Variants in SRRM1 observed in about 807,000 individuals in gnomAD.
SRRM1 encodes serine and arginine repetitive matrix 1.
A neutral mutation model predicts 110.2 loss-of-function variants in SRRM1; 19 were observed. That is an observed-to-expected ratio of 0.17 (90% CI 0.12 to 0.25). SRRM1 has a LOEUF of 0.25. Among genes scored for constraint, SRRM1 ranks in the 10% least tolerant of loss-of-function variants. The pLI is 1.00. For missense variants in SRRM1, 918 were observed against 1,145.8 expected (o/e 0.80, Z 2.87); for synonymous variants, 443 against 414.9 (o/e 1.07, Z -0.82).
intron 4 of SRRM1, 52 bp from the exon 5 acceptor site, chr1:24,649,919 G>C: frequency 6.8e-7 from 1 of 1,462,494 alleles, no homozygotes; most frequent in South Asian, 1.5e-5. Context: ...GTAGTCTTCA[G>C]TTTGTTCTCA....
At position 24,643,311 on chromosome 1, in the gene SRRM1, C is replaced by G. The variant is rs772587324; in HGVS notation, c.-16C>G. 1.9e-6 allele frequency: 3 copies of G among 1,565,414 alleles called. No individual in the cohort carries two copies. Among genetic ancestry groups the G allele is most frequent in the South Asian group, 2.3e-5 (2 of 86,232 alleles). ...GTACCCTGGGATAGGGAGCGATCTC[C>G]GAGCGAGGCGGCAAGATGGACGCGG... is the stretch of plus-strand genomic sequence containing the variant. On this transcript the variant is annotated 5_prime_UTR_variant, in exon 1 of 17. Transcript: ENST00000323848.
intron 7 of SRRM1, 123 bp downstream of exon 7, chr1:24,652,751 A>G (rs1356524380): frequency 1.5e-6 from 2 of 1,307,882 alleles, no homozygotes; most frequent in African/African-American, 3.0e-5. Context: ...TTGAATGTAC[A>G]CAGAGAATTT....
Position 24,671,383 on chromosome 1 carries a change from T to C in SRRM1, c.2401-3T>C, listed in dbSNP as rs766512285. The C allele has an allele frequency of 2.1e-5, 34 of 1,594,580 alleles. No individual in the cohort carries two copies. The highest frequency in any genetic ancestry group is 2.8e-5 in the Non-Finnish European group (33 of 1,174,424). On this transcript the variant is annotated splice_region_variant and splice_polypyrimidine_tract_variant and intron_variant, in intron 15 of 16. Coordinates refer to ENST00000323848, the MANE Select transcript of SRRM1 (RefSeq NM_005839.4). ...GCTGGGTGTTGTTTTTTTTTCTTCC[T>C]AGAATTCAGATCAGGAAGGAGGTGG...
intron 3 of SRRM1, 92 bp from the exon 4 acceptor site, chr1:24,648,767 A>G: frequency 8.4e-7 from 1 of 1,191,238 alleles, no homozygotes; most frequent in Non-Finnish European, 1.2e-6. Context: ...AGACTTAAAA[A>G]ATACTAATTT....
chr1:24,652,589 C>T lies in SRRM1; in HGVS notation c.881C>T (p.Ser294Phe). Residue 294 changes from serine (S) to phenylalanine (F), a missense_variant, in exon 7 of 17, where the codon TCT (serine) becomes TTT (phenylalanine). Coordinates refer to ENST00000323848, the MANE Select transcript of SRRM1 (RefSeq NM_005839.4). The stretch of plus-strand genomic sequence containing the variant: ...TCCCGGACGCGGTCCCGCTCTCCTT[C>T]TCACACTCGACCTAGACGGCGCCAT... Reference protein sequence around the residue: ...SRSRTRSRSPSHTRPRRRHRS... With the variant: ...SRSRTRSRSPFHTRPRRRHRS... The T allele has an allele frequency of 6.2e-7, 1 of 1,613,018 alleles. No individual in the cohort carries two copies.
chr1:24,655,748 G>A (rs1217608172), intron 9 of SRRM1, among the ~76,000 whole-genome samples: 5 of 152,128 alleles, frequency 3.3e-5, no homozygotes, highest in Admixed American at 1.3e-4. Context: ...GGTTTGTTCT[G>A]TGAGCATTAA....
chr1:24,646,886 G>A, intron 3 of SRRM1, 97 bp downstream of exon 3: 9 of 969,632 alleles, frequency 9.3e-6, no homozygotes, highest in Non-Finnish European at 1.3e-5. Flanking sequence ...ATATAGAAGG[G>A]TTATTTTACA....
At chr1:24,669,051 C>G (rs1471816207) in intron 13 of SRRM1, 72 bp from the exon 14 acceptor site, 12 of 1,320,808 alleles carry the variant, frequency 9.1e-6, no homozygotes, top group Non-Finnish European at 1.3e-5. Flanking sequence ...ATAGCCAAAC[C>G]TACTGATTAC....
In SRRM1 at chr1:24,661,371, A is replaced by G. The variant is rs1339352350; in HGVS notation, c.1458A>G (p.Arg486=). 1 of 1,613,404 alleles carries G rather than the reference A, an allele frequency of 6.2e-7. No individual in the cohort carries two copies. The highest frequency in any genetic ancestry group is 8.5e-7 in the Non-Finnish European group (1 of 1,179,582). Reference sequence around the variant, plus strand: ...CTGTGCAGCAGAGACGCCAATACAGACGACAAAACCAGCAGTCTTCATCTG... The same window carrying G: ...CTGTGCAGCAGAGACGCCAATACAGGCGACAAAACCAGCAGTCTTCATCTG... The part of the protein sequence containing the change: ...ADSVQQRRQY[R]RQNQQSSSDS... Residue 486 remains arginine (R), a synonymous_variant, in exon 11 of 17, where the codon AGA becomes AGG. Transcript: ENST00000323848.
intron 3 of SRRM1, 30 bp from the exon 4 acceptor site, chr1:24,648,829 T>C: frequency 1.9e-6 from 3 of 1,601,082 alleles, no homozygotes; most frequent in South Asian, 1.1e-5. Flanking sequence ...TGAAGTAACC[T>C]GTTTTTCTTC....
chr1:24,649,124 T>C, intron 4 of SRRM1, 95 bp downstream of exon 4: 2 of 1,203,512 alleles, frequency 1.7e-6, no homozygotes, highest in East Asian at 2.3e-5. Flanking sequence ...AGGATCTTCA[T>C]GTAGTTTTGC....
intron 9 of SRRM1, among the ~76,000 whole-genome samples, chr1:24,660,076 T>G (rs1666356598): frequency 6.6e-6 from 1 of 152,250 alleles, no homozygotes; most frequent in Non-Finnish European, 1.5e-5. Context: ...TGTGAAAGTT[T>G]CATGAGATCT....
rs948768306 is a variant in SRRM1 at position 24,646,601 on chromosome 1, A to T, written c.112-66A>T. The T allele has an allele frequency of 2.1e-6, 3 of 1,414,988 alleles. No individual in the cohort carries two copies. The East Asian group carries it at 7.3e-5, about 35-fold the overall frequency. The allele number at this position is 1,414,988 out of a possible 1,614,324, so 87.7% of individuals were successfully genotyped here. A position where few individuals can be genotyped will look rare whatever the true frequency, so the allele number is the denominator to read the frequency against. ...GCTAAAAGGAACTTTGGTAGACAGA[A>T]CTCTAACTTGAGCATTTTTTTTTAG... On this transcript the variant is annotated intron_variant, in intron 2 of 16. Transcript: ENST00000323848.
chr1:24,663,497 C>A (rs1234664393), intron 12 of SRRM1, among the ~76,000 whole-genome samples: 3 of 152,136 alleles, frequency 2.0e-5, no homozygotes, highest in Non-Finnish European at 4.4e-5. Context: ...CATCAACTTA[C>A]ATCAAGCAGC....
At chr1:24,667,300 T>C (rs759667980) in intron 13 of SRRM1, among the ~76,000 whole-genome samples, 1 of 152,242 alleles carries the variant, frequency 6.6e-6, no homozygotes, top group African/African-American at 2.4e-5. Flanking sequence ...TTGTATACTT[T>C]AAATGGACCT....
intron 11 of SRRM1, 97 bp from the exon 12 acceptor site, chr1:24,662,563 T>TTA: frequency 8.3e-7 from 1 of 1,208,186 alleles, no homozygotes; most frequent in Non-Finnish European, 1.2e-6. Flanking sequence ...ACATGCTTGC[T>TTA]TACCCTAGTG....
chr1:24,658,506 T>C (rs569941861), intron 9 of SRRM1, among the ~76,000 whole-genome samples: 1 of 152,378 alleles, frequency 6.6e-6, no homozygotes, highest in African/African-American at 2.4e-5. Context: ...TATTATATAA[T>C]GAGTAGGCTT....
chr1:24,657,515 A>G (rs1444969553), intron 9 of SRRM1, among the ~76,000 whole-genome samples: 5 of 152,208 alleles, frequency 3.3e-5, no homozygotes, highest in Admixed American at 1.3e-4. Context: ...TGCTTAGAAC[A>G]GTAACATCAT....
Position 24,667,132 on chromosome 1 carries a change from T to G in SRRM1, c.1739+207T>G, listed in dbSNP as rs545356893. On this transcript the variant is annotated intron_variant, in intron 13 of 16. Transcript: ENST00000323848. ...TTATATCTTATTAGAGTAAGCAGACTAGCATTGTTCAGCCAGTCATAAAAG... is the reference window on the plus strand; with the variant it reads ...TTATATCTTATTAGAGTAAGCAGACGAGCATTGTTCAGCCAGTCATAAAAG... Among the ~76,000 whole-genome samples the G allele has an allele frequency of 2.0e-5, 3 of 152,346 alleles. No individual in the cohort carries two copies. In the East Asian group the frequency reaches 5.8e-4, roughly 29 times the overall value.
Sources: gnomAD v4.1 joint callset for allele counts (sites outside exome capture counted in the v4.1 genomes callset) on GRCh38, gnomAD v4.1.1 for gene constraint, MANE v1.5 for transcripts, NCBI Gene and HGNC (gene_info 2026-07-23, HGNC 2026-07-21) for gene names.